Variants in WNK4 observed in about 807,000 individuals in gnomAD.
WNK4 encodes the protein serine/threonine-protein kinase WNK4.
A neutral mutation model predicts 116.2 loss-of-function variants in WNK4; 94 were observed. The ratio of observed to expected loss-of-function variants is 0.81; its 90% CI spans 0.68 to 0.96. The LOEUF (loss-of-function observed/expected upper bound fraction) is 0.96, where lower values mean the gene tolerates loss of function less well. Ranked by LOEUF, WNK4 falls within the 40% of genes least tolerant of loss-of-function variation. The pLI, the probability that WNK4 is intolerant of heterozygous loss-of-function variation, is 0.00. For missense variants in WNK4, 1,542 were observed against 1,650.6 expected (o/e 0.93, Z 1.14); for synonymous variants, 655 against 672.7 (o/e 0.97, Z 0.41).
In WNK4 at chr17:42,793,699, G is replaced by A. The variant is rs1244609193; in HGVS notation, c.2265G>A (p.Met755Ile). The A allele has an allele frequency of 4.3e-6, 7 of 1,614,006 alleles. No individual in the cohort carries two copies. Among genetic ancestry groups the A allele is most frequent in the Non-Finnish European group, 5.9e-6 (7 of 1,180,012 alleles). The change falls in exon 12 of 19, where the codon ATG becomes ATA. Residue 755 changes from methionine (M) to isoleucine (I), a missense_variant. Around this residue, in one of 7 missense-constraint regions of WNK4, gnomAD observed 808 missense variants for 873.6 expected, o/e 0.92. Coordinates refer to ENST00000246914, the MANE Select transcript of WNK4 (RefSeq NM_032387.5). ...ETLLKRDTGP[M>I]EAAEDTLSPQ... is the part of the protein sequence containing the mutation. ...TGTTGAAGAGAGACACTGGCCCCAT[G>A]GAGGCTGCTGAAGACACCCTAAGCC... is the stretch of plus-strand genomic sequence containing the variant.
rs371430478 is a variant in WNK4, at chr17:42,782,922, G to A, written c.783G>A (p.Thr261=). 8.9e-5 allele frequency: 143 copies of A among 1,614,018 alleles called. No individual in the cohort carries two copies. The South Asian group carries it at 1.3e-3, about 15-fold the overall frequency. The change falls in exon 2 of 19, where the codon ACG becomes ACA. Residue 261 remains threonine (T), a synonymous_variant. Coordinates refer to ENST00000246914, the MANE Select transcript of WNK4 (RefSeq NM_032387.5). This position sits in a 1 kb window ranked among gnomAD's most constrained non-coding sequence, Gnocchi z 4.2. ...VLVTELMTSG[T]LKTYLRRFRE... is the part of the protein sequence containing the mutation. The stretch of plus-strand genomic sequence containing the variant: ...TCACCGAACTCATGACCTCGGGCAC[G>A]CTCAAGACGTGAGCTCTGCGCATGA...
chr17:42,784,467 A>G lies in WNK4; in HGVS notation c.1058A>G (p.Asp353Gly), dbSNP rs573563788. The G allele has an allele frequency of 2.5e-6, 4 of 1,613,812 alleles. No homozygotes were observed. Among genetic ancestry groups the G allele is most frequent in the Non-Finnish European group, 3.4e-6 (4 of 1,179,946 alleles). ...MAPEMYEEKYDEAVDVYAFGM... is the reference protein window; with the variant it reads ...MAPEMYEEKYGEAVDVYAFGM... Reference sequence around the variant, plus strand: ...CCCGAGATGTACGAGGAAAAGTACGATGAGGCCGTGGACGTGTACGCGTTC... The same window carrying G: ...CCCGAGATGTACGAGGAAAAGTACGGTGAGGCCGTGGACGTGTACGCGTTC... Residue 353 changes from aspartate to glycine, a missense_variant, in exon 4 of 19, where the codon GAT becomes GGT. By Grantham distance (94) the Asp-to-Gly change is moderately conservative. Coordinates refer to ENST00000246914, the MANE Select transcript of WNK4 (RefSeq NM_032387.5). This position sits in a 1 kb window ranked among gnomAD's most constrained non-coding sequence, Gnocchi z 4.4.
In WNK4 at chr17:42,796,847, T is replaced by C. The variant is rs939235195; in HGVS notation, c.*159T>C. ...GGGCATGGAGAGTGCAGCTCCATTATAGTGAAGAGCCAAACATATGTGAAC... is the reference window on the plus strand; with the variant it reads ...GGGCATGGAGAGTGCAGCTCCATTACAGTGAAGAGCCAAACATATGTGAAC... On this transcript the variant is annotated 3_prime_UTR_variant, in exon 19 of 19. Transcript: ENST00000246914. 1.7e-5 allele frequency: 24 copies of C among 1,437,316 alleles called. No homozygotes were observed. The highest frequency in any genetic ancestry group is 2.2e-5 in the Non-Finnish European group (23 of 1,037,812). 89.0% of individuals were successfully genotyped at this position (1,437,316 alleles called of 1,614,324 possible).
At chr17:42,793,750 C>A in intron 12 of WNK4, 21 bp downstream of exon 12, 1 of 1,613,688 alleles carries the variant, frequency 6.2e-7, no homozygotes, top group African/African-American at 1.3e-5. Context: ...TTGGTGGACA[C>A]TTCCAGGGGA....
rs140819480 is a variant in WNK4 at position 42,793,596 on chromosome 17, A to G, written c.2162A>G (p.Tyr721Cys). Residue 721 changes from tyrosine to cysteine, a missense_variant, in exon 12 of 19, where the codon TAT becomes TGT. By Grantham distance (194) the Tyr-to-Cys change is radical (BLOSUM62 -2). Transcript: ENST00000246914. ...SPEEIAAAMV[Y>C]NEFILPSERD... Reference sequence around the variant, plus strand: ...CATCCTGTTGACCCTCGCAAGGTATATAACGAGTTCATTCTGCCTTCGGAG... The same window carrying G: ...CATCCTGTTGACCCTCGCAAGGTATGTAACGAGTTCATTCTGCCTTCGGAG... 14 of 1,614,034 alleles carry G rather than the reference A, an allele frequency of 8.7e-6. No homozygotes were observed. The African/African-American group carries it at 1.2e-4, about 14-fold the overall frequency.
rs915747607 is a variant in WNK4, at chr17:42,780,628, C to G, written c.-71C>G. 1.4e-5 allele frequency: 22 copies of G among 1,583,424 alleles called. No homozygotes were observed. Among genetic ancestry groups the G allele is most frequent in the Non-Finnish European group, 1.9e-5 (22 of 1,170,122 alleles). On this transcript the variant is annotated 5_prime_UTR_variant, in exon 1 of 19. Coordinates refer to ENST00000246914, the MANE Select transcript of WNK4 (RefSeq NM_032387.5). ...CTCAGCCGGAGCGCAGCGCACCCAGCGAGTCCGTCTGTCAGGCCGCCTCCT... is the reference window on the plus strand; with the variant it reads ...CTCAGCCGGAGCGCAGCGCACCCAGGGAGTCCGTCTGTCAGGCCGCCTCCT...
intron 6 of WNK4, among the ~76,000 whole-genome samples, chr17:42,785,848 T>C (rs1318370316): frequency 6.6e-6 from 1 of 152,172 alleles, no homozygotes; most frequent in African/African-American, 2.4e-5. Context: ...CCGTCCCCTT[T>C]GGAGTCAAAC....
rs760287269 is a variant in WNK4 at position 42,783,926 on chromosome 17, C to T, written c.792-11C>T. The T allele has an allele frequency of 3.1e-6, 5 of 1,611,144 alleles. No individual in the cohort carries two copies. Among genetic ancestry groups the T allele is most frequent in the Non-Finnish European group, 4.2e-6 (5 of 1,179,056 alleles). On this transcript the variant is annotated splice_polypyrimidine_tract_variant and intron_variant, in intron 2 of 18. Transcript: ENST00000246914. ...CCCCCACCAGGACTCTGGCTATGCG[C>T]CCTCCCCCAGGTACCTGAGGCGGTT...
rs781732944 is a variant in WNK4 at position 42,788,194 on chromosome 17, T to C, written c.1922+6T>C. 1.9e-6 allele frequency: 3 copies of C among 1,614,178 alleles called. No individual in the cohort carries two copies. Among genetic ancestry groups the C allele is most frequent in the Non-Finnish European group, 1.7e-6 (2 of 1,180,034 alleles). On this transcript the variant is annotated splice_donor_region_variant and intron_variant, in intron 9 of 18. Transcript: ENST00000246914. ...GACTTTTCCCCCGGGGACAGGTATG[T>C]TCTGGTACAAGTTGGGGTGCCAGGG...
chr17:42,782,246 G>C lies in WNK4; in HGVS notation c.619-512G>C, dbSNP rs1227158195. Among the ~76,000 whole-genome samples the C allele has an allele frequency of 6.6e-6, 1 of 152,114 alleles. No homozygotes were observed. Among genetic ancestry groups the C allele is most frequent in the African/African-American group, 2.4e-5 (1 of 41,410 alleles). On this transcript the variant is annotated intron_variant, in intron 1 of 18. Coordinates refer to ENST00000246914, the MANE Select transcript of WNK4 (RefSeq NM_032387.5). The surrounding 1 kb of genome is among the most constrained non-coding windows in gnomAD (Gnocchi z 4.2). ...CGGGGCGGGACGACTATGGGGGTGG[G>C]CAGCCTCCTGGCGCCTAGTCCTGGA...
Position 42,780,820 on chromosome 17 carries a change from G to T in WNK4, c.122G>T (p.Arg41Leu). The stretch of plus-strand genomic sequence containing the variant: ...CAGCCCCGCCTCGGGCCCCCTCCTC[G>T]CCGAGCGCGCCGCTTCTCCGGGAAG... ...AGQPRLGPPPRRARRFSGKAE... is the reference protein window; with the variant it reads ...AGQPRLGPPPLRARRFSGKAE... Residue 41 changes from arginine to leucine, a missense_variant, in exon 1 of 19, where the codon CGC (arginine) becomes CTC (leucine). This residue lies in a region of WNK4 where 243 missense variants were observed against 217.8 expected (regional missense o/e 1.12). Transcript: ENST00000246914. 6.2e-7 allele frequency: 1 copy of T among 1,600,914 alleles called. No individual in the cohort carries two copies.
Position 42,788,216 on chromosome 17 carries a change from A to C in WNK4, c.1922+28A>C, listed in dbSNP as rs1331230878. ...ATGTTCTGGTACAAGTTGGGGTGCC[A>C]GGGTGAGACACCTGGGGCACTGGGG... is the stretch of plus-strand genomic sequence containing the variant. On this transcript the variant is annotated intron_variant, in intron 9 of 18. Coordinates refer to ENST00000246914, the MANE Select transcript of WNK4 (RefSeq NM_032387.5). The C allele has an allele frequency of 3.1e-6, 5 of 1,613,956 alleles. No individual in the cohort carries two copies. In the African/African-American group the frequency reaches 6.7e-5, roughly 22 times the overall value.
rs1260676572 is a variant in WNK4, at chr17:42,782,432, C to G, written c.619-326C>G. 5.9e-5 allele frequency among the ~76,000 whole-genome samples: 9 copies of G among 152,240 alleles called. No homozygotes were observed. The highest frequency in any genetic ancestry group is 1.3e-4 in the Non-Finnish European group (9 of 68,042). ...CTGCTCACTGCCAGCCCCCGGGTGC[C>G]CCCTCCCGCCCCATGGCCGGCCTGG... is the stretch of plus-strand genomic sequence containing the variant. On this transcript the variant is annotated intron_variant, in intron 1 of 18. Coordinates refer to ENST00000246914, the MANE Select transcript of WNK4 (RefSeq NM_032387.5). This position sits in a 1 kb window ranked among gnomAD's most constrained non-coding sequence, Gnocchi z 4.2.
Position 42,785,122 on chromosome 17 carries a change from AG to A in WNK4, c.1198del (p.Val400Ter), listed in dbSNP as rs1568027878. On this transcript the variant is annotated frameshift_variant, in exon 5 of 19. Coordinates refer to ENST00000246914, the MANE Select transcript of WNK4 (RefSeq NM_032387.5). LOFTEE classifies it high-confidence loss of function. ...TSGRKPNSFH[K>X]VKIPEVKEII... Reference sequence around the variant, plus strand: ...GGCAGAAAGCCGAACAGCTTCCACAAGGTGAAGATACCCGAGGTGAAGGAGA... The same window carrying A: ...GGCAGAAAGCCGAACAGCTTCCACAAGTGAAGATACCCGAGGTGAAGGAGA... 1.9e-6 allele frequency: 3 copies of A among 1,613,822 alleles called. No individual in the cohort carries two copies. The highest frequency in any genetic ancestry group is 2.5e-6 in the Non-Finnish European group (3 of 1,179,940).
rs1327879693 is a variant in WNK4 at position 42,784,337 on chromosome 17, G to T, written c.1013-85G>T. 1.3e-6 allele frequency: 2 copies of T among 1,574,350 alleles called. No individual in the cohort carries two copies. Among genetic ancestry groups the T allele is most frequent in the African/African-American group, 2.7e-5 (2 of 73,786 alleles). On this transcript the variant is annotated intron_variant, in intron 3 of 18. Transcript: ENST00000246914. This position sits in a 1 kb window ranked among gnomAD's most constrained non-coding sequence, Gnocchi z 4.4. ...CTGTGGGCCGGGGTCACTTGCACTC[G>T]CAGGGTTGCCTGGGGCTGCCTAGCC...
chr17:42,780,867 T>C lies in WNK4; in HGVS notation c.169T>C (p.Ser57Pro). ...GAAGGCTGAGCCCCGGCCGCGCTCT[T>C]CTCGTCTCAGCCGCCGTAGCTCAGT... ...SGKAEPRPRS[S>P]RLSRRSSVDL... Residue 57 changes from serine to proline, a missense_variant, in exon 1 of 19, where the codon TCT (serine) becomes CCT (proline). Coordinates refer to ENST00000246914, the MANE Select transcript of WNK4 (RefSeq NM_032387.5). The C allele has an allele frequency of 6.2e-7, 1 of 1,604,332 alleles. No individual in the cohort carries two copies.
rs1440864001 is a variant in WNK4, at chr17:42,795,966, A to T, written c.3364A>T (p.Ser1122Cys). The change falls in exon 16 of 19, where the codon AGC becomes TGC. Residue 1122 changes from serine (S) to cysteine (C), a missense_variant. This residue lies in a region of WNK4 where 3 missense variants were observed against 17.3 expected (regional missense o/e 0.17). Coordinates refer to ENST00000246914, the MANE Select transcript of WNK4 (RefSeq NM_032387.5). ...CTCCTACAGCAGCCTGTGTTTGAGC[A>T]GCGAGGAGTCAGAAAGCAGTGGGGA... ...NYSYSSLCLS[S>C]EESESSGEDE... 6.2e-7 allele frequency: 1 copy of T among 1,613,470 alleles called. No individual in the cohort carries two copies. Among genetic ancestry groups the T allele is most frequent in the African/African-American group, 1.3e-5 (1 of 74,916 alleles).
chr17:42,795,262 G>T lies in WNK4; in HGVS notation c.2841G>T (p.Gly947=). 2 of 1,613,584 alleles carry T rather than the reference G, an allele frequency of 1.2e-6. No homozygotes were observed. The highest frequency in any genetic ancestry group is 8.5e-7 in the Non-Finnish European group (1 of 1,179,804). ...VAQSLLSPSP[G]LLSQSPPAPP... ...AGTCCCTGCTGTCCCCCTCACCTGG[G>T]CTCCTTTCCCAGTCTCCTCCAGCCC... Residue 947 remains glycine, a synonymous_variant, in exon 14 of 19, where the codon GGG becomes GGT. Coordinates refer to ENST00000246914, the MANE Select transcript of WNK4 (RefSeq NM_032387.5).
At chr17:42,790,632 C>A (rs1170100664) in intron 11 of WNK4, among the ~76,000 whole-genome samples, 1 of 152,016 alleles carries the variant, frequency 6.6e-6, no homozygotes, top group Admixed American at 6.6e-5. Context: ...GAGGGTAGGT[C>A]ATCGAAGGAC....
Sources: allele counts gnomAD v4.1 joint callset (sites outside exome capture counted in the v4.1 genomes callset), GRCh38; gene constraint gnomAD v4.1.1; regional missense constraint gnomAD v4.1.1; non-coding constraint Gnocchi (gnomAD v3.1); transcripts MANE v1.5; gene names NCBI Gene and HGNC (gene_info 2026-07-23, HGNC 2026-07-21).